The following PRELID2 variants were observed in gnomAD, a reference collection of about 807,000 sequenced individuals.
The protein encoded by PRELID2 is PRELI domain-containing protein 2.
PRELID2 carries 25 observed loss-of-function variants against 28.4 expected under a neutral mutation model. That is an observed-to-expected ratio of 0.88 (90% CI 0.64 to 1.23). The LOEUF (loss-of-function observed/expected upper bound fraction) is 1.23. Among genes scored for constraint, PRELID2 ranks in the 50% most tolerant of loss-of-function variants. The pLI is 0.00. For synonymous variants in PRELID2, 76 were observed against 71.6 expected, an observed-to-expected ratio of 1.06 and a Z score of -0.31; for missense variants, 201 against 214.4, an observed-to-expected ratio of 0.94 and a Z score of 0.39.
intron 1 of PRELID2, among the ~76,000 whole-genome samples, chr5:145,828,030 T>C (rs1755316584): frequency 6.6e-6 from 1 of 152,208 alleles, no homozygotes; most frequent in South Asian, 2.1e-4. Context: ...TTTTGAAATG[T>C]TTTATAAGTC....
chr5:145,577,199 G>A (rs1211487667), intron 1 of PRELID2, among the ~76,000 whole-genome samples: 1 of 152,078 alleles, frequency 6.6e-6, no homozygotes, highest in Admixed American at 6.6e-5. Context: ...AGTATCAAAA[G>A]CAATCAAAGA....
chr5:145,496,508 G>T (rs1752311116), intron 1 of PRELID2, among the ~76,000 whole-genome samples: 1 of 152,268 alleles, frequency 6.6e-6, no homozygotes, highest in African/African-American at 2.4e-5. Context: ...AACCAAGAGG[G>T]ATTGGCCAGC....
chr5:145,320,094 G>A, the PRELID2 span, among the ~76,000 whole-genome samples: 2 of 152,150 alleles, frequency 1.3e-5, no homozygotes, highest in Admixed American at 1.3e-4. Context: ...ATTATGAATG[G>A]AATACATTTT....
chr5:145,249,517 T>C, the PRELID2 span, among the ~76,000 whole-genome samples: 1 of 152,162 alleles, frequency 6.6e-6, no homozygotes, highest in Non-Finnish European at 1.5e-5. Context: ...ACTTGTTTTT[T>C]TCTTTCTAGA....
intron 1 of PRELID2, among the ~76,000 whole-genome samples, chr5:145,600,035 A>G (rs1753366625): frequency 6.6e-6 from 1 of 152,110 alleles, no homozygotes; most frequent in Non-Finnish European, 1.5e-5. Context: ...AAAGGCTTAC[A>G]AAGAAATATG....
chr5:145,493,271 T>G (rs753101453), intron 1 of PRELID2, among the ~76,000 whole-genome samples: 1 of 152,178 alleles, frequency 6.6e-6, no homozygotes, highest in African/African-American at 2.4e-5. Context: ...TCGCTGCCTA[T>G]GTCCAGATGA....
rs1375032260 is a variant in PRELID2, at chr5:145,740,789, C to T, written n.70+24142G>A. ...AAATATATAATATATTTATACATATCTTTATACATATATGTATATACATTA... is the reference window on the plus strand; with the variant it reads ...AAATATATAATATATTTATACATATTTTTATACATATATGTATATACATTA... On this transcript the variant is annotated intron_variant and non_coding_transcript_variant, in intron 1 of 2. Transcript: ENST00000510259. Among the ~76,000 whole-genome samples the T allele has an allele frequency of 1.8e-5, 2 of 109,864 alleles. 1 individual carries two copies. The highest frequency in any genetic ancestry group is 3.4e-5 in the Non-Finnish European group (2 of 58,666). 72.1% of individuals were successfully genotyped at this position (109,864 alleles called of 152,430 possible). A position where few individuals can be genotyped will look rare whatever the true frequency, so the allele number is the denominator to read the frequency against.
chr5:145,793,281 A>G (rs1752515682), intron 5 of PRELID2, among the ~76,000 whole-genome samples: 2 of 152,148 alleles, frequency 1.3e-5, no homozygotes. Context: ...CAAACATAAA[A>G]ATATAAAGTT....
At chr5:145,822,046 C>T (rs1451099456) in intron 2 of PRELID2, among the ~76,000 whole-genome samples, 1 of 152,096 alleles carries the variant, frequency 6.6e-6, no homozygotes, top group Non-Finnish European at 1.5e-5. Flanking sequence ...AATGCATATA[C>T]AAGCAAAAGG....
chr5:145,604,734 ATC>A (rs1753470752), intron 1 of PRELID2, among the ~76,000 whole-genome samples: 1 of 136,666 alleles, frequency 7.3e-6, no homozygotes. Flanking sequence ...CCTCACCAGC[ATC>A]TGTTTTTTTT....
At chr5:145,629,217 G>T (rs750886598) in intron 1 of PRELID2, among the ~76,000 whole-genome samples, 6 of 152,196 alleles carry the variant, frequency 3.9e-5, no homozygotes, top group Non-Finnish European at 8.8e-5. Context: ...GGCCCTACAG[G>T]TCCTTGAAAC....
chr5:145,400,506 T>A, the PRELID2 span, among the ~76,000 whole-genome samples: 1 of 152,096 alleles, frequency 6.6e-6, no homozygotes, highest in East Asian at 1.9e-4. Context: ...GGGAAAAAAA[T>A]CTAACATTTT....
the PRELID2 span, among the ~76,000 whole-genome samples, chr5:145,311,867 C>T: frequency 6.6e-6 from 1 of 152,024 alleles, no homozygotes; most frequent in East Asian, 1.9e-4. Context: ...ATTCTCATAA[C>T]AGATATGAGA....
chr5:145,397,698 T>C, the PRELID2 span, among the ~76,000 whole-genome samples: 5 of 152,234 alleles, frequency 3.3e-5, no homozygotes, highest in South Asian at 1.0e-3. Flanking sequence ...CCTGCACTTT[T>C]GTGAAAGCCT....
intron 5 of PRELID2, among the ~76,000 whole-genome samples, chr5:145,785,810 C>T (rs1751957085): frequency 6.6e-6 from 1 of 152,208 alleles, no homozygotes; most frequent in Non-Finnish European, 1.5e-5. Flanking sequence ...CTAGCAAGAC[C>T]TTCACCCTCC....
chr5:145,392,696 G>T, the PRELID2 span, among the ~76,000 whole-genome samples: 1 of 151,790 alleles, frequency 6.6e-6, no homozygotes, highest in African/African-American at 2.4e-5. Context: ...AGGGAGGAGA[G>T]AGAGAGAAAG....
At chr5:145,540,775 C>T (rs557472016) in intron 1 of PRELID2, among the ~76,000 whole-genome samples, 2 of 150,066 alleles carry the variant, frequency 1.3e-5, no homozygotes, top group Non-Finnish European at 3.0e-5. Flanking sequence ...CAATCAAATG[C>T]AATGTATGGA....
the PRELID2 span, among the ~76,000 whole-genome samples, chr5:145,340,724 T>C: frequency 1.3e-5 from 2 of 149,376 alleles, no homozygotes; most frequent in Non-Finnish European, 3.0e-5. Context: ...CTTTCATCAT[T>C]GCACTCCAGC....
At position 145,654,974 on chromosome 5, in the gene PRELID2, T is replaced by A. The variant is rs539384535; in HGVS notation, n.70+109957A>T. Among the ~76,000 whole-genome samples, 310 of 152,158 alleles carry A rather than the reference T, an allele frequency of 2.0e-3. 2 individuals carry two copies. The highest frequency in any genetic ancestry group is 7.1e-3 in the African/African-American group (295 of 41,554). On this transcript the variant is annotated intron_variant and non_coding_transcript_variant, in intron 1 of 2. Transcript: ENST00000510259. ...AAGTCAAATTGTCCCTGTTTGCAGA[T>A]GACATGACTGTATATGTAGAAAACC...
Sources: gnomAD v4.1 joint callset for allele counts (sites outside exome capture counted in the v4.1 genomes callset) on GRCh38, gnomAD v4.1.1 for gene constraint, MANE v1.5 for transcripts, NCBI Gene and HGNC (gene_info 2026-07-23, HGNC 2026-07-21) for gene names.